PAICS: variants seen among roughly 807,000 people sequenced by gnomAD.
The protein encoded by PAICS is phosphoribosylaminoimidazole carboxylase and phosphoribosylaminoimidazolesuccinocarboxamide synthase.
Under a neutral mutation model 53.7 loss-of-function variants are expected in PAICS, and 33 were observed. The observed-to-expected ratio is 0.61, with a 90% CI of 0.47 to 0.82. The LOEUF is 0.82. PAICS is among the 40% of genes least tolerant of loss of function. The probability of loss-of-function intolerance (pLI) is 0.00; values close to 1 mark genes in which losing one functional copy is unlikely to be tolerated. For missense variants in PAICS, 394 were observed against 494.1 expected (o/e 0.80, Z 1.92); for synonymous variants, 141 against 167.2 (o/e 0.84, Z 1.21).
Position 56,459,718 on chromosome 4 carries a change from G to T in PAICS, c.*180G>T. On this transcript the variant is annotated 3_prime_UTR_variant, in exon 9 of 9. Transcript: ENST00000512576. ...TGAGCATCTAACCCCTCCTTTCTTA[G>T]GCTAGACACCAAGATATTTCAGCCA... The T allele has an allele frequency of 2.0e-6, 1 of 508,144 alleles. No individual in the cohort carries two copies. Among genetic ancestry groups the T allele is most frequent in the South Asian group, 3.1e-5 (1 of 32,418 alleles). The allele number at this position is 508,144 out of a possible 1,614,324, so 31.5% of individuals were successfully genotyped here.
chr4:56,410,719 T>C, the PAICS span: 2 of 986,478 alleles, frequency 2.0e-6, no homozygotes, highest in Non-Finnish European at 2.4e-6. Flanking sequence ...ATCTCAAATA[T>C]GAATATAGAA....
chr4:56,433,181 A>G (rs1334319903), upstream of PAICS, among the ~76,000 whole-genome samples: 1 of 151,926 alleles, frequency 6.6e-6, no homozygotes, highest in African/African-American at 2.4e-5. Flanking sequence ...TTTTGAATTG[A>G]TTATGGGTGA....
chr4:56,440,352 C>T (rs1206614136), intron 1 of PAICS, among the ~76,000 whole-genome samples: 1 of 152,212 alleles, frequency 6.6e-6, no homozygotes, highest in Non-Finnish European at 1.5e-5. Flanking sequence ...GATTCATCCT[C>T]TAAATTAGGT....
chr4:56,430,654 T>C, the PAICS span, among the ~76,000 whole-genome samples: 4 of 151,670 alleles, frequency 2.6e-5, no homozygotes, highest in African/African-American at 9.7e-5. Context: ...TGGATATAAA[T>C]GCAAGTCAGA....
At chr4:56,436,131 G>T, upstream of PAICS, 1 of 1,478,602 alleles carries the variant, frequency 6.8e-7, no homozygotes, top group Non-Finnish European at 9.0e-7. Context: ...TCCGATATCC[G>T]CGTTTCAGTC....
In PAICS at chr4:56,441,790, C is replaced by A. The variant is rs1204821757; in HGVS notation, c.144C>A (p.Asn48Lys). ...CAGCAGGAAATGCAGCTAGAAAAAA[C>A]CACCTGGAAGGAAAAGCTGCAATCT... is the stretch of plus-strand genomic sequence containing the variant. ...QITAGNAARK[N>K]HLEGKAAISN... The change falls in exon 2 of 9, where the codon AAC becomes AAA. Residue 48 changes from asparagine (N) to lysine (K), a missense_variant. Coordinates refer to ENST00000512576, the MANE Select transcript of PAICS (RefSeq NM_001079524.2). 5 of 1,602,484 alleles carry A rather than the reference C, an allele frequency of 3.1e-6. No homozygotes were observed. The East Asian group carries it at 1.1e-4, about 36-fold the overall frequency.
chr4:56,451,959 G>A lies in PAICS; in HGVS notation c.859G>A (p.Ala287Thr), dbSNP rs780270261. 3 of 1,606,228 alleles carry A rather than the reference G, an allele frequency of 1.9e-6. No homozygotes were observed. The highest frequency in any genetic ancestry group is 1.7e-5 in the Admixed American group (1 of 59,060). Residue 287 changes from alanine to threonine, a missense_variant, in exon 7 of 9, where the codon GCC becomes ACC. Physicochemically the swap from Ala to Thr is moderately conservative, Grantham distance 58. Transcript: ENST00000512576. ...TGGTCACTGTGAAAAAATCAAGAAG[G>A]CCTGTGGAAATTTTGGCATTCCATG... ...DLGHCEKIKK[A>T]CGNFGIPCEL...
chr4:56,419,321 A>G, the PAICS span, among the ~76,000 whole-genome samples: 1 of 152,212 alleles, frequency 6.6e-6, no homozygotes, highest in African/African-American at 2.4e-5. Flanking sequence ...ATACACTGAC[A>G]TACACCCTAC....
the PAICS span, among the ~76,000 whole-genome samples, chr4:56,424,619 G>T: frequency 1.3e-5 from 2 of 152,136 alleles, no homozygotes; most frequent in African/African-American, 4.8e-5. Context: ...TAGATCTTTG[G>T]ATCTAAAACA....
chr4:56,435,958 A>C, upstream of PAICS: 1 of 1,506,270 alleles, frequency 6.6e-7, no homozygotes, highest in South Asian at 1.1e-5. Context: ...TCGCTCCCGC[A>C]GCCGAGAAGG....
At chr4:56,436,182 T>C (rs1717933002), upstream of PAICS, 2 of 1,508,386 alleles carry the variant, frequency 1.3e-6, no homozygotes, top group Admixed American at 4.4e-5. Flanking sequence ...GTAGCGGAGC[T>C]CGAAAAGAGT....
intron 6 of PAICS, 108 bp downstream of exon 6, chr4:56,450,810 CTT>C (rs1718871042): frequency 1.5e-6 from 1 of 654,020 alleles, no homozygotes; most frequent in Non-Finnish European, 2.7e-6. Context: ...TTTTCAGTGA[CTT>C]TGTTTTTTGT....
chr4:56,421,223 A>C, the PAICS span: 1,511 of 154,712 alleles, frequency 9.8e-3, 15 homozygotes, highest in African/African-American at 0.034. Flanking sequence ...TGAGAATCTA[A>C]TGCCTGATGA....
In PAICS at chr4:56,453,662, G is replaced by T; in HGVS notation, c.1012G>T (p.Val338Leu). ...VAGRSNGLGP[V>L]MSGNTAYPVI... ...AGGCAGAAGTAATGGTTTGGGACCA[G>T]TGATGTCTGGGAACACTGCATATCC... Residue 338 changes from valine to leucine, a missense_variant, in exon 8 of 9, where the codon GTG (valine) becomes TTG (leucine). This residue lies in a region of PAICS where 131 missense variants were observed against 205.5 expected (regional missense o/e 0.64). Coordinates refer to ENST00000512576, the MANE Select transcript of PAICS (RefSeq NM_001079524.2). 6.3e-7 allele frequency: 1 copy of T among 1,575,386 alleles called. No individual in the cohort carries two copies. The highest frequency in any genetic ancestry group is 8.6e-7 in the Non-Finnish European group (1 of 1,159,084).
chr4:56,432,401 G>A (rs1348088377), upstream of PAICS, among the ~76,000 whole-genome samples: 15 of 151,770 alleles, frequency 9.9e-5, no homozygotes, highest in South Asian at 1.5e-3. Flanking sequence ...GGTGGCGGGC[G>A]CCTGTAATCC....
chr4:56,429,045 A>AAG, the PAICS span: 6 of 604,294 alleles, frequency 9.9e-6, no homozygotes, highest in Non-Finnish European at 1.2e-5. Context: ...CACACAGTGG[A>AAG]AACAACTTGT....
At chr4:56,454,626 C>A (rs977637936) in intron 8 of PAICS, among the ~76,000 whole-genome samples, 3 of 151,876 alleles carry the variant, frequency 2.0e-5, no homozygotes, top group African/African-American at 7.3e-5. Context: ...TTCATCCTCC[C>A]TTTTTCCCTT....
chr4:56,447,476 TTGTC>T (rs891237737), intron 3 of PAICS, among the ~76,000 whole-genome samples: 2 of 152,190 alleles, frequency 1.3e-5, no homozygotes, highest in East Asian at 1.9e-4. Context: ...ACTTACCTCT[TTGTC>T]TGAGGTCTCT....
upstream of PAICS, chr4:56,435,586 T>C (rs1223623493): frequency 5.1e-6 from 8 of 1,568,780 alleles, no homozygotes; most frequent in Middle Eastern, 2.3e-4. Flanking sequence ...CGCGACAGGC[T>C]CTTCCTTCCC....
Sources: gnomAD v4.1 joint callset for allele counts (sites outside exome capture counted in the v4.1 genomes callset) on GRCh38, gnomAD v4.1.1 for gene constraint, gnomAD v4.1.1 regional missense constraint, MANE v1.5 for transcripts, NCBI Gene and HGNC (gene_info 2026-07-23, HGNC 2026-07-21) for gene names.